Variants in DNAH8 observed in about 807,000 individuals in gnomAD.
The protein encoded by DNAH8 is dynein axonemal heavy chain 8.
A neutral mutation model predicts 562.1 loss-of-function variants in DNAH8; 382 were observed. The observed-to-expected ratio is 0.68, with a 90% CI of 0.63 to 0.74. DNAH8 has a LOEUF of 0.74. DNAH8 is among the 30% of genes least tolerant of loss of function. The pLI, the probability that DNAH8 is intolerant of heterozygous loss-of-function variation, is 0.00. For synonymous variants in DNAH8, 1,881 were observed against 1,919.4 expected (o/e 0.98, Z 0.52); for missense variants, 5,203 against 5,620.4 (o/e 0.93, Z 2.37).
At chr6:38,806,467 C>A (rs1259136812) in intron 23 of DNAH8, among the ~76,000 whole-genome samples, 1 of 152,138 alleles carries the variant, frequency 6.6e-6, no homozygotes, top group African/African-American at 2.4e-5. Context: ...CTGGAGCACT[C>A]CCCTCTCAGA....
chr6:38,739,192 A>G (rs1764338553), intron 7 of DNAH8, among the ~76,000 whole-genome samples: 1 of 152,116 alleles, frequency 6.6e-6, no homozygotes. Flanking sequence ...TTTTCCTGAT[A>G]TTAATCCTAT....
rs141773388 is a variant in DNAH8, at chr6:38,949,302, T to C, written c.12130-150T>C. On this transcript the variant is annotated intron_variant, in intron 80 of 92. Coordinates refer to ENST00000327475, the MANE Select transcript of DNAH8 (RefSeq NM_001206927.2). ...AGTAATATCCAAGTTATTCAAGTCA[T>C]TGATCCTGAAGAAAGGTTTAAACTG... 3.5e-4 allele frequency: 224 copies of C among 643,510 alleles called. 1 individual carries two copies. The African/African-American group carries it at 3.7e-3, about 11-fold the overall frequency. The allele number at this position is 643,510 out of a possible 1,614,324, so 39.9% of individuals were successfully genotyped here.
At chr6:38,825,790 T>A (rs1315944449) in intron 28 of DNAH8, among the ~76,000 whole-genome samples, 1 of 152,042 alleles carries the variant, frequency 6.6e-6, no homozygotes, top group Non-Finnish European at 1.5e-5. Context: ...AACAATAGAT[T>A]TCACTCCACC....
intron 82 of DNAH8, among the ~76,000 whole-genome samples, chr6:38,962,940 C>G (rs1583463989): frequency 6.6e-6 from 1 of 152,052 alleles, no homozygotes; most frequent in African/African-American, 2.4e-5. Context: ...ACACAAAGGC[C>G]TAAGAATGAT....
intron 24 of DNAH8, among the ~76,000 whole-genome samples, chr6:38,809,918 C>T (rs568409410): frequency 2.0e-5 from 3 of 152,276 alleles, no homozygotes; most frequent in South Asian, 4.1e-4. Flanking sequence ...TGTATTAATT[C>T]TGATTCCTCA....
chr6:38,755,119 G>A (rs996621054), intron 9 of DNAH8, among the ~76,000 whole-genome samples: 2 of 152,018 alleles, frequency 1.3e-5, no homozygotes, highest in African/African-American at 4.8e-5. Context: ...AGGACCCACT[G>A]GTGGCCTAGT....
chr6:39,015,534 A>C (rs1766509979), intron 91 of DNAH8, among the ~76,000 whole-genome samples: 1 of 152,144 alleles, frequency 6.6e-6, no homozygotes, highest in Non-Finnish European at 1.5e-5. Flanking sequence ...AGTGTTTGGC[A>C]GTTCCTCCTT....
intron 35 of DNAH8, among the ~76,000 whole-genome samples, chr6:38,844,693 A>G (rs920566430): frequency 6.6e-6 from 1 of 152,104 alleles, no homozygotes; most frequent in African/African-American, 2.4e-5. Flanking sequence ...CCCCAGATAC[A>G]TCTAGTTGCT....
At chr6:38,867,931 C>T (rs950497538) in intron 47 of DNAH8, 131 bp from the exon 48 acceptor site, 6 of 829,666 alleles carry the variant, frequency 7.2e-6, no homozygotes, top group Non-Finnish European at 1.1e-5. Context: ...AGCTAATAAA[C>T]CTTTGTGGCT....
At chr6:38,719,263 C>T (rs1762567761) in intron 1 of DNAH8, among the ~76,000 whole-genome samples, 1 of 152,096 alleles carries the variant, frequency 6.6e-6, no homozygotes, top group African/African-American at 2.4e-5. Context: ...TCAGAGGATA[C>T]ATGTGAAGAT....
chr6:38,815,277 G>A (rs1209681900), intron 25 of DNAH8, among the ~76,000 whole-genome samples, 191 bp from the exon 26 acceptor site: 1 of 152,118 alleles, frequency 6.6e-6, no homozygotes. Flanking sequence ...TGCAGGAATC[G>A]ATAGCGGGAA....
intron 3 of DNAH8, among the ~76,000 whole-genome samples, chr6:38,728,410 C>G (rs548144415): frequency 6.6e-6 from 1 of 152,244 alleles, no homozygotes; most frequent in Non-Finnish European, 1.5e-5. Flanking sequence ...TGATTTTGGC[C>G]CATGATCTCA....
chr6:39,010,506 G>A (rs1766117570), intron 89 of DNAH8, among the ~76,000 whole-genome samples: 1 of 151,812 alleles, frequency 6.6e-6, no homozygotes, highest in African/African-American at 2.4e-5. Context: ...CATTTTCTAG[G>A]GTTTAAGGTT....
At chr6:39,025,259 T>C (rs12202871) in intron 91 of DNAH8, among the ~76,000 whole-genome samples, 37,415 of 152,176 alleles carry the variant, frequency 0.25, 5,730 homozygotes, top group Non-Finnish European at 0.34. Flanking sequence ...ACGCTTTCCC[T>C]GAGTTGTCTT....
intron 78 of DNAH8, 144 bp from the exon 79 acceptor site, chr6:38,938,654 C>T (rs1783175661): frequency 1.6e-6 from 1 of 622,656 alleles, no homozygotes; most frequent in Admixed American, 3.0e-5. Flanking sequence ...AGGCTTAATA[C>T]CTGGGTGATG....
At chr6:38,922,294 G>A (rs1207415193) in intron 71 of DNAH8, among the ~76,000 whole-genome samples, 2 of 151,324 alleles carry the variant, frequency 1.3e-5, no homozygotes, top group African/African-American at 4.9e-5. Flanking sequence ...AGGAAAGTCC[G>A]GATTTGTAAT....
chr6:38,875,549 AAATTTT>A (rs1360976699), intron 52 of DNAH8, 36 bp from the exon 53 acceptor site: 9 of 1,229,476 alleles, frequency 7.3e-6, no homozygotes, highest in Non-Finnish European at 9.9e-6. Flanking sequence ...TTTATTTTCA[AAATTTT>A]AATTTAAAAA....
At chr6:38,824,941 C>A (rs767923763) in intron 28 of DNAH8, among the ~76,000 whole-genome samples, 11 of 152,152 alleles carry the variant, frequency 7.2e-5, no homozygotes, top group Non-Finnish European at 1.6e-4. Flanking sequence ...ACAAGAACTT[C>A]TGTAGCGTTT....
At chr6:38,990,999 T>A (rs535051622) in intron 88 of DNAH8, among the ~76,000 whole-genome samples, 4 of 152,374 alleles carry the variant, frequency 2.6e-5, no homozygotes, top group Admixed American at 2.6e-4. Context: ...AAGTTGAGAA[T>A]GCCCTAAGAG....
Sources: allele counts gnomAD v4.1 joint callset (sites outside exome capture counted in the v4.1 genomes callset), GRCh38; gene constraint gnomAD v4.1.1; transcripts MANE v1.5; gene names NCBI Gene and HGNC (gene_info 2026-07-23, HGNC 2026-07-21).